THSD7A: variants seen among roughly 807,000 people sequenced by gnomAD.
THSD7A encodes the protein thrombospondin type 1 domain containing 7A.
Under a neutral mutation model 231.3 loss-of-function variants are expected in THSD7A, and 96 were observed. That is an observed-to-expected ratio of 0.41 (90% CI 0.35 to 0.49). The LOEUF (loss-of-function observed/expected upper bound fraction) is 0.49, where lower values mean the gene tolerates loss of function less well. THSD7A is among the 20% of genes least tolerant of loss of function. THSD7A has a pLI of 0.05. For missense variants in THSD7A, 2,290 were observed against 2,070.2 expected, an observed-to-expected ratio of 1.11 and a Z score of -2.06; for synonymous variants, 940 against 743.3, an observed-to-expected ratio of 1.26 and a Z score of -4.30.
At chr7:11,503,809 A>G (rs1392260436) in intron 6 of THSD7A, among the ~76,000 whole-genome samples, 1 of 152,206 alleles carries the variant, frequency 6.6e-6, no homozygotes, top group Non-Finnish European at 1.5e-5. Flanking sequence ...TTAAAAAATA[A>G]CAGATGCTGG....
At chr7:11,605,874 A>G (rs1256863387) in intron 2 of THSD7A, among the ~76,000 whole-genome samples, 3 of 152,144 alleles carry the variant, frequency 2.0e-5, no homozygotes, top group South Asian at 2.1e-4. Context: ...ACACTGCCCC[A>G]TGAAATGGGT....
At chr7:11,686,279 C>T (rs1213933285) in intron 1 of THSD7A, among the ~76,000 whole-genome samples, 1 of 151,770 alleles carries the variant, frequency 6.6e-6, no homozygotes, top group African/African-American at 2.4e-5. Flanking sequence ...AATCCCAAAC[C>T]TCCTGCACCA....
intron 1 of THSD7A, among the ~76,000 whole-genome samples, chr7:11,678,174 A>G (rs1584196606): frequency 6.6e-6 from 1 of 152,096 alleles, no homozygotes; most frequent in Admixed American, 6.6e-5. Flanking sequence ...ATACCAGAAT[A>G]TCTGGGACAC....
At position 11,816,673 on chromosome 7, in the gene THSD7A, T is replaced by C. The variant is rs541084121; in HGVS notation, c.190+15084A>G. ...TTTATGAGTGGGTTATTGAGGAACA[T>C]AAGCTTGGCACAAAACTTTGTAAAA... is the stretch of plus-strand genomic sequence containing the variant. On this transcript the variant is annotated intron_variant, in intron 1 of 27. Transcript: ENST00000423059. Among the ~76,000 whole-genome samples the C allele has an allele frequency of 2.9e-3, 443 of 152,268 alleles. 2 individuals carry two copies. Among genetic ancestry groups the C allele is most frequent in the Non-Finnish European group, 5.1e-3 (346 of 68,002 alleles).
At position 11,543,011 on chromosome 7, in the gene THSD7A, A is replaced by G. The variant is rs375929216; in HGVS notation, c.1560T>C (p.Ala520=). 1 of 1,613,906 alleles carries G rather than the reference A, an allele frequency of 6.2e-7. No individual in the cohort carries two copies. Among genetic ancestry groups the G allele is most frequent in the Non-Finnish European group, 8.5e-7 (1 of 1,179,834 alleles). The part of the protein sequence containing the change: ...PTECEVSPWS[A]WGPCTYENCN... ...AGTTTTCATAAGTACAAGGTCCCCA[A>G]GCTGACCAAGGTGAAACTTCACATT... The change falls in exon 5 of 28, where the codon GCT becomes GCC. Residue 520 remains alanine (A), a synonymous_variant. Coordinates refer to ENST00000423059, the MANE Select transcript of THSD7A (RefSeq NM_015204.3).
chr7:11,807,269 C>G (rs1784423022), intron 1 of THSD7A, among the ~76,000 whole-genome samples: 1 of 152,076 alleles, frequency 6.6e-6, no homozygotes, highest in Non-Finnish European at 1.5e-5. Context: ...CTGTGAGGGA[C>G]TGGGTGTGCA....
chr7:11,572,340 T>C (rs1790674017), intron 4 of THSD7A, among the ~76,000 whole-genome samples: 1 of 152,232 alleles, frequency 6.6e-6, no homozygotes, highest in Non-Finnish European at 1.5e-5. Context: ...TCAATATCAC[T>C]TAGCCTTCCT....
rs1781753957 is a variant in THSD7A at position 11,634,211 on chromosome 7, A to G, written c.1022+1919T>C. ...AAGTCAGAAAATATATGCAACTATC[A>G]ATTTATTGGAAGTTATATATGCTAT... On this transcript the variant is annotated intron_variant, in intron 2 of 27. Coordinates refer to ENST00000423059, the MANE Select transcript of THSD7A (RefSeq NM_015204.3). The surrounding 1 kb of genome is among the most constrained non-coding windows in gnomAD (Gnocchi z 4.1). Among the ~76,000 whole-genome samples the G allele has an allele frequency of 6.6e-6, 1 of 152,198 alleles. No individual in the cohort carries two copies. The highest frequency in any genetic ancestry group is 1.5e-5 in the Non-Finnish European group (1 of 68,022).
At chr7:11,513,940 C>T (rs1185845136) in intron 6 of THSD7A, among the ~76,000 whole-genome samples, 1 of 138,168 alleles carries the variant, frequency 7.2e-6, no homozygotes, top group Non-Finnish European at 1.6e-5. Flanking sequence ...CGCATAGGTG[C>T]ACACACACAC....
chr7:11,389,869 T>C (rs1026156827), intron 23 of THSD7A, among the ~76,000 whole-genome samples: 34 of 152,348 alleles, frequency 2.2e-4, no homozygotes, highest in African/African-American at 7.7e-4. Flanking sequence ...CTTTCACTTA[T>C]GAAGCTTAGT....
chr7:11,429,375 CA>C (rs1716511589), intron 13 of THSD7A, among the ~76,000 whole-genome samples: 1 of 152,216 alleles, frequency 6.6e-6, no homozygotes, highest in Non-Finnish European at 1.5e-5. Context: ...CACCATATTT[CA>C]ACATTTCTGA....
intron 16 of THSD7A, among the ~76,000 whole-genome samples, chr7:11,422,270 C>T (rs1015417706): frequency 1.5e-4 from 23 of 152,150 alleles, no homozygotes; most frequent in African/African-American, 5.1e-4. Flanking sequence ...ACCACCACTC[C>T]TTGATAGGCC....
At chr7:11,517,827 C>A (rs567029195) in intron 6 of THSD7A, among the ~76,000 whole-genome samples, 1 of 152,138 alleles carries the variant, frequency 6.6e-6, no homozygotes, top group Non-Finnish European at 1.5e-5. Context: ...GAATCAGGTG[C>A]CTTTGAGAAA....
intron 4 of THSD7A, among the ~76,000 whole-genome samples, chr7:11,557,828 T>C (rs1789912953): frequency 6.6e-6 from 1 of 152,122 alleles, no homozygotes; most frequent in African/African-American, 2.4e-5. Flanking sequence ...GAAGTGTCAG[T>C]TCCCTACTTG....
intron 1 of THSD7A, among the ~76,000 whole-genome samples, chr7:11,746,237 A>T (rs1366993030): frequency 6.6e-6 from 1 of 151,954 alleles, no homozygotes; most frequent in Non-Finnish European, 1.5e-5. Flanking sequence ...CCAAGATTGT[A>T]TACAGAGTTC....
intron 23 of THSD7A, chr7:11,385,405 G>A (rs1353181064): frequency 6.6e-6 from 1 of 152,012 alleles, no homozygotes; most frequent in Non-Finnish European, 1.5e-5. Context: ...GTATTATGAT[G>A]TTTGTGTAAA....
intron 1 of THSD7A, among the ~76,000 whole-genome samples, chr7:11,795,321 G>A (rs890729188): frequency 4.6e-5 from 7 of 151,766 alleles, no homozygotes; most frequent in African/African-American, 1.7e-4. Context: ...AATATAAAGA[G>A]TTACAGTAAT....
chr7:11,672,064 A>C (rs939309034), intron 1 of THSD7A, among the ~76,000 whole-genome samples: 2 of 152,164 alleles, frequency 1.3e-5, no homozygotes, highest in Admixed American at 1.3e-4. Context: ...TAACTTTTAT[A>C]AACTTAACTC....
intron 1 of THSD7A, among the ~76,000 whole-genome samples, chr7:11,785,310 C>T (rs766175354): frequency 5.1e-4 from 78 of 152,164 alleles, no homozygotes; most frequent in Non-Finnish European, 7.6e-4. Context: ...ATTCATTATA[C>T]ACTACAGCCT....
Sources: allele counts gnomAD v4.1 joint callset (sites outside exome capture counted in the v4.1 genomes callset), GRCh38; gene constraint gnomAD v4.1.1; non-coding constraint Gnocchi (gnomAD v3.1); transcripts MANE v1.5; gene names NCBI Gene and HGNC (gene_info 2026-07-23, HGNC 2026-07-21).